ANO2: variants seen among roughly 807,000 people sequenced by gnomAD.
ANO2 encodes the protein anoctamin 2, also known as anoctamin-2.
A neutral mutation model predicts 124.2 loss-of-function variants in ANO2; 101 were observed. The observed-to-expected ratio is 0.81, with a 90% CI of 0.69 to 0.96. The LOEUF (loss-of-function observed/expected upper bound fraction) is 0.96, where lower values mean the gene tolerates loss of function less well. ANO2 is among the 40% of genes least tolerant of loss of function. The pLI is 0.00. For missense variants in ANO2, 1,293 were observed against 1,274.5 expected (o/e 1.01, Z -0.22); for synonymous variants, 486 against 482.5 (o/e 1.01, Z -0.09).
intron 14 of ANO2, among the ~76,000 whole-genome samples, chr12:5,700,085 C>T (rs1315314450): frequency 6.6e-6 from 1 of 152,126 alleles, no homozygotes. Flanking sequence ...CTGCACCAAG[C>T]GGACCTAATA....
intron 1 of ANO2, among the ~76,000 whole-genome samples, chr12:5,931,328 G>A (rs866568414): frequency 6.6e-6 from 1 of 152,018 alleles, no homozygotes; most frequent in Non-Finnish European, 1.5e-5. Flanking sequence ...TGGGAGGTTG[G>A]GGTGGGGATG....
chr12:5,739,932 A>G (rs1449521281), intron 12 of ANO2: 4 of 456,146 alleles, frequency 8.8e-6, no homozygotes, highest in Non-Finnish European at 1.8e-5. Context: ...TCAGCCTTCC[A>G]ACCCATCCTG....
chr12:5,643,164 T>C (rs1346216397), intron 15 of ANO2, among the ~76,000 whole-genome samples: 1 of 152,058 alleles, frequency 6.6e-6, no homozygotes, highest in African/African-American at 2.4e-5. Context: ...CCCGTACACA[T>C]ACATGATCTC....
At chr12:5,876,972 A>G (rs1032655262) in intron 3 of ANO2, among the ~76,000 whole-genome samples, 7 of 152,256 alleles carry the variant, frequency 4.6e-5, no homozygotes, top group Admixed American at 3.9e-4. Context: ...AACTTAAAGT[A>G]TAATTTTTAA....
intron 10 of ANO2, among the ~76,000 whole-genome samples, chr12:5,780,544 T>C (rs957224258): frequency 3.3e-5 from 5 of 152,180 alleles, no homozygotes; most frequent in Non-Finnish European, 5.9e-5. Flanking sequence ...ACATCCTAGC[T>C]CTTAACACAT....
intron 3 of ANO2, chr12:5,881,888 G>C (rs1020507138): frequency 9.2e-5 from 14 of 152,184 alleles, no homozygotes; most frequent in African/African-American, 3.1e-4. Context: ...ATAAATTAGT[G>C]ATTTCAATCA....
chr12:5,687,855 A>G (rs1311159254), intron 14 of ANO2, among the ~76,000 whole-genome samples: 1 of 88,708 alleles, frequency 1.1e-5, no homozygotes, highest in African/African-American at 4.2e-5. Context: ...CAGCAAATAC[A>G]GGACTGCCAA....
intron 7 of ANO2, among the ~76,000 whole-genome samples, chr12:5,808,278 G>T (rs1953265905): frequency 6.6e-6 from 1 of 152,328 alleles, no homozygotes; most frequent in South Asian, 2.1e-4. Flanking sequence ...AATGTGAAAT[G>T]AACAAATGGC....
chr12:5,847,750 T>C (rs530049366), intron 4 of ANO2, among the ~76,000 whole-genome samples: 280 of 152,342 alleles, frequency 1.8e-3, no homozygotes, highest in African/African-American at 6.6e-3. Context: ...CCACTGAAGC[T>C]AACTAAAATG....
At chr12:5,791,189 G>A (rs923317329) in intron 10 of ANO2, among the ~76,000 whole-genome samples, 9 of 152,128 alleles carry the variant, frequency 5.9e-5, no homozygotes, top group South Asian at 2.1e-4. Flanking sequence ...TCTGGTTGCC[G>A]AAGCTGCAAC....
At chr12:5,798,398 G>A (rs1565677295) in intron 10 of ANO2, among the ~76,000 whole-genome samples, 1 of 152,086 alleles carries the variant, frequency 6.6e-6, no homozygotes, top group Non-Finnish European at 1.5e-5. Flanking sequence ...TGTAGGAGGT[G>A]AGCTGCCCAA....
chr12:5,579,723 C>T (rs145616795), intron 20 of ANO2, among the ~76,000 whole-genome samples: 3 of 152,320 alleles, frequency 2.0e-5, no homozygotes, highest in African/African-American at 7.2e-5. Flanking sequence ...GCTTTATAAT[C>T]TGCCTCCAAT....
chr12:5,714,676 TTCC>T (rs1169093297), intron 14 of ANO2, among the ~76,000 whole-genome samples: 1 of 152,232 alleles, frequency 6.6e-6, no homozygotes, highest in Non-Finnish European at 1.5e-5. Context: ...CTCCTTCTTC[TTCC>T]TCCTCTTCTT....
intron 4 of ANO2, among the ~76,000 whole-genome samples, chr12:5,838,507 G>A (rs141987705): frequency 6.6e-6 from 1 of 152,162 alleles, no homozygotes; most frequent in Non-Finnish European, 1.5e-5. Context: ...CTCCCCCGTA[G>A]TACACACCAT....
chr12:5,791,014 C>A (rs1271697047), intron 10 of ANO2, among the ~76,000 whole-genome samples: 1 of 152,058 alleles, frequency 6.6e-6, no homozygotes, highest in Non-Finnish European at 1.5e-5. Context: ...TCGCTGAGGC[C>A]CCTTGAACTT....
Position 5,563,328 on chromosome 12 carries a change from A to T in ANO2, c.2968T>A (p.Ser990Thr). 1.2e-6 allele frequency: 2 copies of T among 1,602,892 alleles called. No individual in the cohort carries two copies. Among genetic ancestry groups the T allele is most frequent in the Non-Finnish European group, 1.7e-6 (2 of 1,176,884 alleles). Residue 990 changes from serine (S) to threonine (T), a missense_variant, in exon 25 of 25, where the codon TCG becomes ACG. Ser to Thr is a moderately conservative substitution (Grantham distance 58). Transcript: ENST00000682330. ...SGQSQLGSMMSSGSQHTNV is the reference protein window; with the variant it reads ...SGQSQLGSMMTSGSQHTNV ...ACATTGGTGTGCTGAGAGCCTGACG[A>T]CATCATGCTGCCCAGCTGGCTTTGG...
chr12:5,748,138 T>A (rs992301369), intron 11 of ANO2, among the ~76,000 whole-genome samples: 1 of 152,230 alleles, frequency 6.6e-6, no homozygotes, highest in Non-Finnish European at 1.5e-5. Context: ...GTGGGCTGTG[T>A]GCATCTGTGC....
intron 3 of ANO2, 119 bp from the exon 4 acceptor site, chr12:5,854,260 G>T: frequency 1.1e-6 from 1 of 897,186 alleles, no homozygotes; most frequent in Non-Finnish European, 1.7e-6. Flanking sequence ...TCTCGTTTTC[G>T]TTCTCTTTAA....
intron 10 of ANO2, among the ~76,000 whole-genome samples, chr12:5,796,284 C>A (rs1952844282): frequency 6.6e-6 from 1 of 151,500 alleles, no homozygotes; most frequent in Admixed American, 6.6e-5. Context: ...CATGCACACA[C>A]ACTCATTCAC....
Sources: gnomAD v4.1 joint callset for allele counts (sites outside exome capture counted in the v4.1 genomes callset) on GRCh38, gnomAD v4.1.1 for gene constraint, MANE v1.5 for transcripts, NCBI Gene and HGNC (gene_info 2026-07-23, HGNC 2026-07-21) for gene names.